Variants in FANCM observed in about 807,000 individuals in gnomAD.
FANCM encodes the protein FA complementation group M.
A neutral mutation model predicts 199.5 loss-of-function variants in FANCM; 140 were observed. The observed-to-expected ratio is 0.70, with a 90% CI of 0.61 to 0.81. The LOEUF is 0.81. FANCM is among the 30% of genes least tolerant of loss of function. The pLI is 0.00. For synonymous variants in FANCM, 840 were observed against 836.8 expected (o/e 1.00, Z -0.07); for missense variants, 2,410 against 2,421.4 (o/e 1.00, Z 0.10).
chr14:45,142,592 C>T (rs1458246269), intron 3 of FANCM, among the ~76,000 whole-genome samples: 1 of 152,016 alleles, frequency 6.6e-6, no homozygotes, highest in Non-Finnish European at 1.5e-5. Context: ...AGGTGTGAGC[C>T]ACTGTGCCCG....
Position 45,181,723 on chromosome 14 carries a change from A to G in FANCM, c.4386+18A>G, listed in dbSNP as rs2139271527. The G allele has an allele frequency of 6.7e-7, 1 of 1,487,872 alleles. No individual in the cohort carries two copies. The highest frequency in any genetic ancestry group is 1.9e-4 in the Middle Eastern group (1 of 5,140). 92.2% of individuals were successfully genotyped at this position (1,487,872 alleles called of 1,614,324 possible). ...TAAACAGAGTAAGTAAATACCAGGTAATGTATAGTAATCCAAATTCCTTTG... is the reference window on the plus strand; with the variant it reads ...TAAACAGAGTAAGTAAATACCAGGTGATGTATAGTAATCCAAATTCCTTTG... On this transcript the variant is annotated intron_variant, in intron 16 of 22. Coordinates refer to ENST00000267430, the MANE Select transcript of FANCM (RefSeq NM_020937.4).
chr14:45,165,528 AC>A (rs1340225929), intron 10 of FANCM, among the ~76,000 whole-genome samples: 1 of 152,210 alleles, frequency 6.6e-6, no homozygotes, highest in African/African-American at 2.4e-5. Context: ...AGCCTGGGTA[AC>A]AGAGCGAGAC....
intron 9 of FANCM, among the ~76,000 whole-genome samples, chr14:45,161,186 A>G (rs1048954503): frequency 3.3e-5 from 5 of 152,170 alleles, no homozygotes; most frequent in African/African-American, 4.8e-5. Flanking sequence ...TGACTTTATC[A>G]TTTACTCATT....
chr14:45,179,529 C>G (rs1157241558), intron 14 of FANCM, among the ~76,000 whole-genome samples: 1 of 150,534 alleles, frequency 6.6e-6, no homozygotes, highest in African/African-American at 2.4e-5. Flanking sequence ...TAGATCACCT[C>G]TCATAGATTA....
intron 8 of FANCM, among the ~76,000 whole-genome samples, chr14:45,157,633 G>A (rs576585095): frequency 3.0e-4 from 45 of 152,290 alleles, no homozygotes; most frequent in Admixed American, 2.4e-3. Flanking sequence ...GGAGATACAG[G>A]TTTTGTGATG....
intron 9 of FANCM, among the ~76,000 whole-genome samples, chr14:45,161,109 T>G (rs1421314179): frequency 6.6e-6 from 1 of 152,212 alleles, no homozygotes; most frequent in African/African-American, 2.4e-5. Context: ...TCTGATCAAT[T>G]TCAGTATTAC....
chr14:45,179,337 T>C (rs555042976), intron 14 of FANCM, among the ~76,000 whole-genome samples: 4 of 152,316 alleles, frequency 2.6e-5, no homozygotes, highest in African/African-American at 9.6e-5. Flanking sequence ...CATAATATTT[T>C]CCTGGCTGTT....
chr14:45,154,104 A>G (rs768830100), intron 6 of FANCM, 52 bp downstream of exon 6: 7 of 1,399,198 alleles, frequency 5.0e-6, no homozygotes. Context: ...TATTTTGGCT[A>G]AAGACATATT....
At chr14:45,169,318 A>G (rs1290642904) in intron 11 of FANCM, among the ~76,000 whole-genome samples, 1 of 151,746 alleles carries the variant, frequency 6.6e-6, no homozygotes, top group East Asian at 1.9e-4. Context: ...GAGATCATTT[A>G]GTTCAAACCC....
At chr14:45,184,013 G>C in intron 17 of FANCM, 111 bp downstream of exon 17, 1 of 749,892 alleles carries the variant, frequency 1.3e-6, no homozygotes, top group Non-Finnish European at 2.1e-6. Flanking sequence ...AAAAAATTAA[G>C]TATTTTGACA....
intron 16 of FANCM, 99 bp downstream of exon 16, chr14:45,181,804 T>G: frequency 1.3e-6 from 1 of 759,900 alleles, no homozygotes; most frequent in Non-Finnish European, 2.2e-6. Context: ...TTTTTAATCC[T>G]TAGTAGAAAA....
chr14:45,157,136 A>T (rs925765841), intron 8 of FANCM, among the ~76,000 whole-genome samples: 1 of 152,090 alleles, frequency 6.6e-6, no homozygotes, highest in Non-Finnish European at 1.5e-5. Context: ...TACAACTTTT[A>T]TTTGTCAATT....
chr14:45,189,824 C>T (rs920490878), intron 20 of FANCM, among the ~76,000 whole-genome samples: 9 of 151,984 alleles, frequency 5.9e-5, no homozygotes, highest in African/African-American at 2.2e-4. Context: ...CAAAATCAGC[C>T]AGGTGTGGTT....
At chr14:45,162,398 T>C (rs1887670134) in intron 9 of FANCM, among the ~76,000 whole-genome samples, 1 of 152,172 alleles carries the variant, frequency 6.6e-6, no homozygotes, top group African/African-American at 2.4e-5. Flanking sequence ...GACCAGCTTA[T>C]TTCCCCCACT....
chr14:45,135,997 A>T lies in FANCM; in HGVS notation c.-35A>T. 1 of 1,611,566 alleles carries T rather than the reference A, an allele frequency of 6.2e-7. No individual in the cohort carries two copies. Among genetic ancestry groups the T allele is most frequent in the Non-Finnish European group, 8.5e-7 (1 of 1,179,288 alleles). On this transcript the variant is annotated 5_prime_UTR_variant, in exon 1 of 23. Transcript: ENST00000267430. ...AGCGGTTGAGCTGCTGCTGCTACGG[A>T]TATCTGACAGAAGCCTTCGGTGGTT... is the stretch of plus-strand genomic sequence containing the variant.
At chr14:45,146,483 C>T (rs1886393888) in intron 3 of FANCM, among the ~76,000 whole-genome samples, 1 of 151,964 alleles carries the variant, frequency 6.6e-6, no homozygotes, top group Non-Finnish European at 1.5e-5. Context: ...TTTCTTCTAT[C>T]CTTTTTTTTG....
intron 3 of FANCM, among the ~76,000 whole-genome samples, chr14:45,145,088 G>A (rs554237364): frequency 6.1e-4 from 93 of 152,004 alleles, no homozygotes; most frequent in African/African-American, 2.1e-3. Flanking sequence ...TCAAGGTAGC[G>A]GGTTTCCTTC....
At chr14:45,182,616 G>A (rs1295441209) in intron 16 of FANCM, among the ~76,000 whole-genome samples, 2 of 152,142 alleles carry the variant, frequency 1.3e-5, no homozygotes, top group African/African-American at 4.8e-5. Flanking sequence ...CAGGTCTTAA[G>A]GTTAATGATA....
chr14:45,192,470 C>T lies in FANCM; in HGVS notation c.5340+3108C>T, dbSNP rs960838019. Among the ~76,000 whole-genome samples, 7 of 152,090 alleles carry T rather than the reference C, an allele frequency of 4.6e-5. No individual in the cohort carries two copies. In the East Asian group the frequency reaches 5.8e-4, roughly 13 times the overall value. On this transcript the variant is annotated intron_variant, in intron 20 of 22. Coordinates refer to ENST00000267430, the MANE Select transcript of FANCM (RefSeq NM_020937.4). ...CAGCCTGGCCAACACAGTGAAACTC[C>T]GTCACTACTAAAAATACAAAAAATT...
Sources: gnomAD v4.1 joint callset for allele counts (sites outside exome capture counted in the v4.1 genomes callset) on GRCh38, gnomAD v4.1.1 for gene constraint, MANE v1.5 for transcripts, NCBI Gene and HGNC (gene_info 2026-07-23, HGNC 2026-07-21) for gene names.